The following PCDH15 variants were observed in gnomAD, a reference collection of about 807,000 sequenced individuals.
PCDH15 encodes the protein protocadherin-15.
PCDH15 carries 129 observed loss-of-function variants against 178.5 expected under a neutral mutation model. The ratio of observed to expected loss-of-function variants is 0.72; its 90% confidence interval spans 0.63 to 0.84. The LOEUF is 0.84. Ranked by LOEUF, PCDH15 falls within the 40% of genes least tolerant of loss-of-function variation. The pLI is 0.00. For synonymous variants in PCDH15, 800 were observed against 732.0 expected (o/e 1.09, Z -1.50); for missense variants, 2,230 against 2,099.9 (o/e 1.06, Z -1.21).
At chr10:55,251,226 T>C (rs1488482435) in intron 1 of PCDH15, among the ~76,000 whole-genome samples, 1 of 152,154 alleles carries the variant, frequency 6.6e-6, no homozygotes, top group Admixed American at 6.5e-5. Flanking sequence ...TTTAGTTTTA[T>C]ACATTTGTAT....
At chr10:55,408,783 C>T (rs778886535) in intron 2 of PCDH15, among the ~76,000 whole-genome samples, 3 of 151,892 alleles carry the variant, frequency 2.0e-5, no homozygotes, top group Non-Finnish European at 4.4e-5. Context: ...CCTCTTACAA[C>T]TCTATGATCA....
At chr10:54,533,375 G>C (rs1035709486) in intron 2 of PCDH15, among the ~76,000 whole-genome samples, 1 of 152,030 alleles carries the variant, frequency 6.6e-6, no homozygotes, top group Non-Finnish European at 1.5e-5. Context: ...GATGTGAAAG[G>C]CTACCAATAA....
At chr10:55,502,088 C>T (rs1840669844) in intron 2 of PCDH15, among the ~76,000 whole-genome samples, 1 of 151,626 alleles carries the variant, frequency 6.6e-6, no homozygotes, top group African/African-American at 2.4e-5. Context: ...AAAACCCTCT[C>T]CTAAGTAAAA....
chr10:54,230,291 A>G lies in PCDH15; in HGVS notation c.985+6532T>C, dbSNP rs2053912113. 2.0e-5 allele frequency among the ~76,000 whole-genome samples: 3 copies of G among 152,204 alleles called. No individual in the cohort carries two copies. In the South Asian group the frequency reaches 6.2e-4, roughly 32 times the overall value. On this transcript the variant is annotated intron_variant, in intron 9 of 37. Transcript: ENST00000644397. ...GTTATATAATGTTTGAAAAAACCAC[A>G]TGTGCTCAGCTATAAGTGTTCAGTT...
At chr10:54,523,317 A>G (rs770721402) in intron 3 of PCDH15, among the ~76,000 whole-genome samples, 2 of 152,222 alleles carry the variant, frequency 1.3e-5, no homozygotes, top group African/African-American at 2.4e-5. Flanking sequence ...GAATTTAACC[A>G]AAAGTAGTGT....
chr10:55,585,404 C>G (rs1017800925), intron 2 of PCDH15, among the ~76,000 whole-genome samples: 1 of 152,132 alleles, frequency 6.6e-6, no homozygotes. Flanking sequence ...TCTGGCCGGG[C>G]GCGTTGGCTC....
chr10:55,513,012 C>A (rs1407859336), intron 2 of PCDH15: 1 of 152,026 alleles, frequency 6.6e-6, no homozygotes, highest in Non-Finnish European at 1.5e-5. Flanking sequence ...ATTGTCTTAC[C>A]TATATTTGAC....
intron 3 of PCDH15, among the ~76,000 whole-genome samples, chr10:54,513,961 C>G (rs2081960697): frequency 6.6e-6 from 1 of 152,194 alleles, no homozygotes; most frequent in African/African-American, 2.4e-5. Flanking sequence ...TAGCCACAGG[C>G]TTGCATGTTT....
At chr10:54,695,357 T>A (rs989027631) in intron 1 of PCDH15, among the ~76,000 whole-genome samples, 10 of 152,224 alleles carry the variant, frequency 6.6e-5, no homozygotes, top group Admixed American at 6.5e-4. Context: ...CTGTGAAAAC[T>A]GAGAGAGGAC....
intron 26 of PCDH15, among the ~76,000 whole-genome samples, chr10:53,885,399 TA>T (rs35923781): frequency 6.6e-5 from 10 of 151,754 alleles, no homozygotes; most frequent in African/African-American, 1.9e-4. Flanking sequence ...ATATGCCTTT[TA>T]AAAAAAAGAA....
At chr10:53,811,442 A>T in intron 36 of PCDH15, 107 bp downstream of exon 36, 1 of 657,032 alleles carries the variant, frequency 1.5e-6, no homozygotes. Context: ...TACTAGTGAG[A>T]TCGACATGAC....
At chr10:54,479,390 C>G (rs1316235631) in intron 3 of PCDH15, among the ~76,000 whole-genome samples, 1 of 151,908 alleles carries the variant, frequency 6.6e-6, no homozygotes. Context: ...GTGTGTGTAA[C>G]ATATTGAATA....
intron 16 of PCDH15, among the ~76,000 whole-genome samples, chr10:54,080,487 A>C (rs558613511): frequency 5.1e-4 from 77 of 152,220 alleles, no homozygotes; most frequent in African/African-American, 1.6e-3. Flanking sequence ...ATAACACATT[A>C]AAATATATGT....
intron 2 of PCDH15, among the ~76,000 whole-genome samples, chr10:55,540,268 G>A (rs1203169480): frequency 6.6e-6 from 1 of 151,900 alleles, no homozygotes; most frequent in African/African-American, 2.4e-5. Flanking sequence ...ATAATACAAT[G>A]AGTTCATCAA....
chr10:54,231,715 C>T (rs529134927), intron 9 of PCDH15, among the ~76,000 whole-genome samples: 2 of 152,340 alleles, frequency 1.3e-5, no homozygotes, highest in East Asian at 3.9e-4. Context: ...GAGCCCACCC[C>T]CTGCATCAGT....
intron 2 of PCDH15, among the ~76,000 whole-genome samples, chr10:54,637,674 T>A (rs2093891381): frequency 6.6e-6 from 1 of 152,052 alleles, no homozygotes; most frequent in African/African-American, 2.4e-5. Context: ...ACTGGTGAAT[T>A]TTATCTTCAA....
At chr10:54,623,643 T>C (rs1214223584) in intron 2 of PCDH15, among the ~76,000 whole-genome samples, 1 of 152,062 alleles carries the variant, frequency 6.6e-6, no homozygotes, top group Non-Finnish European at 1.5e-5. Flanking sequence ...TCAAGCCGAG[T>C]CTCTTCTGGC....
intron 10 of PCDH15, among the ~76,000 whole-genome samples, chr10:54,210,782 G>A (rs915492139): frequency 6.6e-6 from 1 of 151,538 alleles, no homozygotes; most frequent in Non-Finnish European, 1.5e-5. Context: ...TGAGTTGGAA[G>A]GAAAAGAAGT....
intron 26 of PCDH15, among the ~76,000 whole-genome samples, chr10:53,892,023 T>TTTTG (rs1554847236): frequency 3.6e-5 from 5 of 137,528 alleles, no homozygotes; most frequent in African/African-American, 1.6e-4. Flanking sequence ...CATCTATGTT[T>TTTTG]TTTTTTTTTT....
Sources: allele counts gnomAD v4.1 joint callset (sites outside exome capture counted in the v4.1 genomes callset), GRCh38; gene constraint gnomAD v4.1.1; transcripts MANE v1.5; gene names NCBI Gene and HGNC (gene_info 2026-07-23, HGNC 2026-07-21).